The following F2R variants were observed in gnomAD, a reference collection of about 807,000 sequenced individuals.
F2R encodes the protein proteinase-activated receptor 1.
F2R carries 12 observed loss-of-function variants against 18.3 expected under a neutral mutation model. That is an observed-to-expected ratio of 0.66 (90% CI 0.42 to 1.06). F2R has a LOEUF of 1.06. Ranked by LOEUF, F2R falls within the 50% of genes least tolerant of loss-of-function variation. The pLI, the probability that F2R is intolerant of heterozygous loss-of-function variation, is 0.00. For synonymous variants in F2R, 210 were observed against 219.9 expected (o/e 0.95, Z 0.40); for missense variants, 438 against 530.8 (o/e 0.83, Z 1.72).
rs113946247 is a variant in F2R, at chr5:76,728,516, T to C, written c.89-3798T>C. On this transcript the variant is annotated intron_variant, in intron 1 of 1. Transcript: ENST00000319211. ...CTCGGCTCATCCATGTTGTTGCAAA[T>C]GACAGAATTTCCTTCTTTTTTAAGG... Among the ~76,000 whole-genome samples, 288 of 152,312 alleles carry C rather than the reference T, an allele frequency of 1.9e-3. 2 individuals are homozygous for C. The highest frequency in any genetic ancestry group is 6.5e-3 in the African/African-American group (269 of 41,552).
At position 76,733,424 on chromosome 5, in the gene F2R, G is replaced by A. The variant is rs770458079; in HGVS notation, c.1199G>A (p.Ser400Asn). The A allele has an allele frequency of 1.2e-6, 2 of 1,614,182 alleles. No individual in the cohort carries two copies. The highest frequency in any genetic ancestry group is 1.7e-6 in the Non-Finnish European group (2 of 1,180,040). Reference sequence around the variant, plus strand: ...TCCGATCCCAGCAGTTATAACAGCAGTGGGCAGTTGATGGCAAGTAAAATG... The same window carrying A: ...TCCGATCCCAGCAGTTATAACAGCAATGGGCAGTTGATGGCAAGTAAAATG... ...ESSDPSSYNS[S>N]GQLMASKMDT... Residue 400 changes from serine to asparagine, a missense_variant, in exon 2 of 2, where the codon AGT (serine) becomes AAT (asparagine). Ser to Asn is a conservative substitution (Grantham distance 46). Coordinates refer to ENST00000319211, the MANE Select transcript of F2R (RefSeq NM_001992.5).
At chr5:76,725,241 C>T (rs1748534040) in intron 1 of F2R, among the ~76,000 whole-genome samples, 1 of 152,170 alleles carries the variant, frequency 6.6e-6, no homozygotes, top group Non-Finnish European at 1.5e-5. Context: ...GCCTAACTCA[C>T]TAATTTTTAA....
chr5:76,725,995 A>T (rs141072036), intron 1 of F2R, among the ~76,000 whole-genome samples: 258 of 152,334 alleles, frequency 1.7e-3, no homozygotes, highest in African/African-American at 5.9e-3. Flanking sequence ...TGATTCATGT[A>T]TGTAAGTATG....
chr5:76,732,241 C>G, intron 1 of F2R, 73 bp from the exon 2 acceptor site: 1 of 1,189,332 alleles, frequency 8.4e-7, no homozygotes. Flanking sequence ...AAAATATGCT[C>G]TCTGCTTGTC....
At chr5:76,721,176 A>G (rs1748447631) in intron 1 of F2R, among the ~76,000 whole-genome samples, 1 of 152,202 alleles carries the variant, frequency 6.6e-6, no homozygotes, top group African/African-American at 2.4e-5. Context: ...TCCTTGTTAG[A>G]AGAGTTATTA....
intron 1 of F2R, among the ~76,000 whole-genome samples, chr5:76,717,042 A>T (rs1748360742): frequency 2.6e-5 from 4 of 152,044 alleles, no homozygotes; most frequent in Admixed American, 2.6e-4. Context: ...GTTACCTAGA[A>T]CCCATTCCTT....
chr5:76,717,004 G>A (rs1748359638), intron 1 of F2R, among the ~76,000 whole-genome samples: 1 of 152,170 alleles, frequency 6.6e-6, no homozygotes, highest in South Asian at 2.1e-4. Flanking sequence ...CGTGGTGGCG[G>A]GGGAGGGGAC....
In F2R at chr5:76,733,785, A is replaced by G. The variant is rs1580896361; in HGVS notation, c.*282A>G. ...AGCTAGGTGACATATACATACTTAC[A>G]TGTGTGTATATGTAGATGTATGCAC... On this transcript the variant is annotated 3_prime_UTR_variant, in exon 2 of 2. Coordinates refer to ENST00000319211, the MANE Select transcript of F2R (RefSeq NM_001992.5). The G allele has an allele frequency of 2.5e-6, 1 of 401,760 alleles. No homozygotes were observed. The highest frequency in any genetic ancestry group is 2.0e-5 in the African/African-American group (1 of 49,366). 24.9% of individuals were successfully genotyped at this position (401,760 alleles called of 1,614,324 possible). A position where few individuals can be genotyped will look rare whatever the true frequency, so the allele number is the denominator to read the frequency against.
In F2R at chr5:76,727,391, A is replaced by C. The variant is rs545719330; in HGVS notation, c.89-4923A>C. On this transcript the variant is annotated intron_variant, in intron 1 of 1. Coordinates refer to ENST00000319211, the MANE Select transcript of F2R (RefSeq NM_001992.5). ...TAGAATACAAATATGTGCCTACCAC[A>C]TGCAGGGCACAGGGTACTGGAGGTT... Among the ~76,000 whole-genome samples, 5 of 152,388 alleles carry C rather than the reference A, an allele frequency of 3.3e-5. No individual in the cohort carries two copies. The East Asian group carries it at 5.8e-4, about 18-fold the overall frequency.
intron 1 of F2R, among the ~76,000 whole-genome samples, chr5:76,723,564 A>T (rs1205851783): frequency 6.6e-6 from 1 of 152,240 alleles, no homozygotes; most frequent in Admixed American, 6.5e-5. Flanking sequence ...GGTGCTCAAA[A>T]AGATGGTAAG....
intron 1 of F2R, among the ~76,000 whole-genome samples, chr5:76,719,868 C>T (rs1016428953): frequency 7.9e-5 from 12 of 152,196 alleles, no homozygotes. Context: ...GTGGTATTCT[C>T]TCATTTACTT....
chr5:76,716,139 A>T lies in F2R; in HGVS notation c.-169A>T, dbSNP rs1748334866. The T allele has an allele frequency of 2.3e-6, 1 of 425,932 alleles. No homozygotes were observed. Among genetic ancestry groups the T allele is most frequent in the South Asian group, 8.2e-5 (1 of 12,138 alleles). 26.4% of individuals were successfully genotyped at this position (425,932 alleles called of 1,614,324 possible). On this transcript the variant is annotated 5_prime_UTR_variant, in exon 1 of 2. Transcript: ENST00000319211. ...CCCCGCCCCGCTAACCGCCCCAGACACAGCGCTCGCCGAGGGTCGCTTGGA... is the reference window on the plus strand; with the variant it reads ...CCCCGCCCCGCTAACCGCCCCAGACTCAGCGCTCGCCGAGGGTCGCTTGGA...
At chr5:76,726,938 A>G (rs1167142680) in intron 1 of F2R, among the ~76,000 whole-genome samples, 1 of 152,238 alleles carries the variant, frequency 6.6e-6, no homozygotes. Context: ...CAAGGTGAAC[A>G]CAGAGTAAGT....
chr5:76,716,605 A>G (rs765982887), intron 1 of F2R: 1 of 721,162 alleles, frequency 1.4e-6, no homozygotes, highest in South Asian at 1.5e-5. Flanking sequence ...TTTGGACTCG[A>G]TCTTGGAGGG....
rs142662743 is a variant in F2R, at chr5:76,733,088, T to C, written c.863T>C (p.Val288Ala). ...FFFVPLIIST[V>A]CYVSIIRCLS... ...TTTGTGCCGCTGATCATTTCCACGG[T>C]CTGTTATGTGTCTATCATTCGATGT... Residue 288 changes from valine (V) to alanine (A), a missense_variant, in exon 2 of 2, where the codon GTC (valine) becomes GCC (alanine). Transcript: ENST00000319211. 12 of 1,614,192 alleles carry C rather than the reference T, an allele frequency of 7.4e-6. No individual in the cohort carries two copies. The African/African-American group carries it at 1.5e-4, about 20-fold the overall frequency.
At position 76,732,555 on chromosome 5, in the gene F2R, C is replaced by A; in HGVS notation, c.330C>A (p.Thr110=). The stretch of plus-strand genomic sequence containing the variant: ...CACTCTTTGTCCCATCTGTGTACAC[C>A]GGAGTGTTTGTAGTCAGCCTCCCAC... ...WLTLFVPSVY[T]GVFVVSLPLN... The change falls in exon 2 of 2, where the codon ACC becomes ACA. Residue 110 remains threonine (T), a synonymous_variant. Coordinates refer to ENST00000319211, the MANE Select transcript of F2R (RefSeq NM_001992.5). 2 of 1,614,162 alleles carry A rather than the reference C, an allele frequency of 1.2e-6. 1 individual carries two copies. The highest frequency in any genetic ancestry group is 1.7e-6 in the Non-Finnish European group (2 of 1,180,030).
chr5:76,733,259 C>T lies in F2R; in HGVS notation c.1034C>T (p.Thr345Ile). The T allele has an allele frequency of 6.2e-7, 1 of 1,614,204 alleles. No homozygotes were observed. The highest frequency in any genetic ancestry group is 8.5e-7 in the Non-Finnish European group (1 of 1,180,038). The stretch of plus-strand genomic sequence containing the variant: ...TACTCATTCCTTTCTCACACTTCCA[C>T]CACAGAGGCTGCCTACTTTGCCTAC... ...AHYSFLSHTS[T>I]TEAAYFAYLL... The change falls in exon 2 of 2, where the codon ACC (threonine) becomes ATC (isoleucine). Residue 345 changes from threonine to isoleucine, a missense_variant. Physicochemically the swap from Thr to Ile is moderately conservative, Grantham distance 89. Coordinates refer to ENST00000319211, the MANE Select transcript of F2R (RefSeq NM_001992.5).
chr5:76,731,711 G>A (rs1017117945), intron 1 of F2R, among the ~76,000 whole-genome samples: 2 of 151,816 alleles, frequency 1.3e-5, no homozygotes, highest in African/African-American at 4.8e-5. Flanking sequence ...TGTGTTTTTA[G>A]TAGAGATGGG....
chr5:76,716,740 A>C, intron 1 of F2R: 1 of 655,948 alleles, frequency 1.5e-6, no homozygotes, highest in Admixed American at 2.5e-5. Flanking sequence ...CAAAAAGAAA[A>C]GCTCTCACGT....
Sources: allele counts gnomAD v4.1 joint callset (sites outside exome capture counted in the v4.1 genomes callset), GRCh38; gene constraint gnomAD v4.1.1; transcripts MANE v1.5; gene names NCBI Gene and HGNC (gene_info 2026-07-23, HGNC 2026-07-21).